The following UBTD1 variants were observed in gnomAD, a reference collection of about 807,000 sequenced individuals.
UBTD1 encodes the protein ubiquitin domain containing 1, also known as ubiquitin domain-containing protein 1.
Under a neutral mutation model 21.7 loss-of-function variants are expected in UBTD1, and 19 were observed. The ratio of observed to expected loss-of-function variants is 0.87; its 90% confidence interval spans 0.61 to 1.28. UBTD1 has a LOEUF of 1.28. Ranked by LOEUF, UBTD1 falls within the 50% of genes most tolerant of loss-of-function variation. The pLI is 0.00. For synonymous variants in UBTD1, 116 were observed against 135.1 expected, an observed-to-expected ratio of 0.86 and a Z score of 0.98; for missense variants, 282 against 315.1, an observed-to-expected ratio of 0.89 and a Z score of 0.80.
intron 1 of UBTD1, among the ~76,000 whole-genome samples, chr10:97,535,757 T>A (rs543199445): frequency 6.9e-4 from 104 of 150,456 alleles, no homozygotes; most frequent in Middle Eastern, 3.4e-3. Context: ...CTCTACAAAT[T>A]TTTTTTTTTA....
At chr10:97,525,041 G>C (rs1445414226) in intron 1 of UBTD1, among the ~76,000 whole-genome samples, 1 of 152,224 alleles carries the variant, frequency 6.6e-6, no homozygotes, top group Non-Finnish European at 1.5e-5. Flanking sequence ...AAGATGGAGA[G>C]TATTTTCACT....
intron 1 of UBTD1, among the ~76,000 whole-genome samples, chr10:97,528,502 C>T (rs1282492588): frequency 4.8e-5 from 4 of 83,078 alleles, no homozygotes; most frequent in East Asian, 9.0e-4. Context: ...ACCTCCCGGA[C>T]GGGGCGGCTG....
intron 1 of UBTD1, among the ~76,000 whole-genome samples, chr10:97,537,662 C>T (rs2040569630): frequency 6.6e-6 from 1 of 152,230 alleles, no homozygotes; most frequent in East Asian, 1.9e-4. Flanking sequence ...CACCTGGGCC[C>T]TCCCAGCCAG....
intron 1 of UBTD1, among the ~76,000 whole-genome samples, chr10:97,535,992 T>TATTATTATTATA (rs2040559348): frequency 6.7e-6 from 1 of 148,206 alleles, no homozygotes; most frequent in Admixed American, 6.8e-5. Flanking sequence ...TTATTATTAT[T>TATTATTATTATA]ATTATTATTA....
intron 1 of UBTD1, among the ~76,000 whole-genome samples, chr10:97,527,699 T>C (rs549758123): frequency 5.3e-4 from 81 of 152,102 alleles, no homozygotes; most frequent in African/African-American, 1.8e-3. Context: ...AAAGCACATC[T>C]TGCACCACCC....
Position 97,552,105 on chromosome 10 carries a change from A to C in UBTD1, c.71-15809A>C, listed in dbSNP as rs371660210. ...CTGTCTTTTTAATATATATAATTATACAGCTGAGCACTTTGGGAGGCAGAA... is the reference window on the plus strand; with the variant it reads ...CTGTCTTTTTAATATATATAATTATCCAGCTGAGCACTTTGGGAGGCAGAA... On this transcript the variant is annotated intron_variant, in intron 1 of 2. Coordinates refer to ENST00000370664, the MANE Select transcript of UBTD1 (RefSeq NM_024954.5). Among the ~76,000 whole-genome samples the C allele has an allele frequency of 2.6e-4, 39 of 152,100 alleles. 1 individual carries two copies. In the East Asian group the frequency reaches 5.6e-3, roughly 22 times the overall value.
At chr10:97,523,851 C>T (rs999854456) in intron 1 of UBTD1, among the ~76,000 whole-genome samples, 3 of 152,006 alleles carry the variant, frequency 2.0e-5, no homozygotes, top group African/African-American at 4.8e-5. Context: ...GCTGAAGACC[C>T]GACGTCCCTT....
chr10:97,527,693 C>T (rs2040496142), intron 1 of UBTD1, among the ~76,000 whole-genome samples: 1 of 151,980 alleles, frequency 6.6e-6, no homozygotes, highest in Admixed American at 6.6e-5. Flanking sequence ...TTTAACAAAG[C>T]ACATCTTGCA....
rs1453664769 is a variant in UBTD1 at position 97,528,061 on chromosome 10, C to T, written c.70+28788C>T. Among the ~76,000 whole-genome samples, 53 of 142,668 alleles carry T rather than the reference C, an allele frequency of 3.7e-4. 1 individual carries two copies. The highest frequency in any genetic ancestry group is 1.1e-3 in the African/African-American group (43 of 38,828). The allele number at this position is 142,668 out of a possible 152,430, so 93.6% of individuals were successfully genotyped here. A position where few individuals can be genotyped will look rare whatever the true frequency, so the allele number is the denominator to read the frequency against. ...GCCCCTCACCTCCCGGACGGGGCGG[C>T]TGGCTGGGCGGGGGGCTGACTCCCC... On this transcript the variant is annotated intron_variant, in intron 1 of 2. Transcript: ENST00000370664.
At chr10:97,512,217 G>T (rs1490615231) in intron 1 of UBTD1, among the ~76,000 whole-genome samples, 3 of 152,190 alleles carry the variant, frequency 2.0e-5, no homozygotes, top group Non-Finnish European at 2.9e-5. Context: ...CCAGGCAGCA[G>T]ATCCAAGAGT....
intron 1 of UBTD1, among the ~76,000 whole-genome samples, chr10:97,549,461 ACT>A (rs1293154794): frequency 2.6e-5 from 4 of 152,204 alleles, no homozygotes; most frequent in African/African-American, 9.6e-5. Flanking sequence ...CCAGGCATTA[ACT>A]CTGTCTGTAG....
At chr10:97,549,179 C>T (rs541111615) in intron 1 of UBTD1, among the ~76,000 whole-genome samples, 15 of 152,328 alleles carry the variant, frequency 9.8e-5, no homozygotes, top group South Asian at 2.1e-4. Context: ...ACAGAGGATC[C>T]GGGCCTGCCT....
chr10:97,517,382 A>G (rs962214533), intron 1 of UBTD1, among the ~76,000 whole-genome samples: 5 of 152,064 alleles, frequency 3.3e-5, no homozygotes, highest in African/African-American at 9.7e-5. Flanking sequence ...CCCTGGGTAG[A>G]GGAGGAGCTG....
chr10:97,533,587 C>A (rs1310863249), intron 1 of UBTD1, among the ~76,000 whole-genome samples: 1 of 152,110 alleles, frequency 6.6e-6, no homozygotes, highest in African/African-American at 2.4e-5. Context: ...CCCCCTTTGC[C>A]CCCCACCTCC....
chr10:97,570,460 C>G lies in UBTD1; in HGVS notation c.621C>G (p.Thr207=). 2 of 1,612,636 alleles carry G rather than the reference C, an allele frequency of 1.2e-6. No individual in the cohort carries two copies. Among genetic ancestry groups the G allele is most frequent in the African/African-American group, 1.3e-5 (1 of 75,036 alleles). ...LLTDRTRLQE[T]KIQKDFVIQV... The stretch of plus-strand genomic sequence containing the variant: ...CAGACCGCACACGGCTCCAGGAGAC[C>G]AAGATCCAGAAAGATTTTGTCATCC... Residue 207 remains threonine, a synonymous_variant, in exon 3 of 3, where the codon ACC becomes ACG. Coordinates refer to ENST00000370664, the MANE Select transcript of UBTD1 (RefSeq NM_024954.5). This position sits in a 1 kb window ranked among gnomAD's most constrained non-coding sequence, Gnocchi z 6.6.
intron 1 of UBTD1, among the ~76,000 whole-genome samples, chr10:97,500,812 A>G (rs774342090): frequency 1.3e-5 from 2 of 152,170 alleles, no homozygotes; most frequent in Non-Finnish European, 2.9e-5. Flanking sequence ...CTCTTTGTCC[A>G]TTGGGAATAC....
chr10:97,547,092 A>G (rs1333486225), intron 1 of UBTD1, among the ~76,000 whole-genome samples: 1 of 152,118 alleles, frequency 6.6e-6, no homozygotes, highest in Non-Finnish European at 1.5e-5. Flanking sequence ...GCCCCCTTGG[A>G]GTGGTGCATG....
At chr10:97,569,031 C>T (rs2040732276) in intron 2 of UBTD1, among the ~76,000 whole-genome samples, 1 of 152,222 alleles carries the variant, frequency 6.6e-6, no homozygotes, top group African/African-American at 2.4e-5. Context: ...CCATGTTGGT[C>T]AGGCTGGTCT....
chr10:97,501,592 C>CA (rs147083004), intron 1 of UBTD1, among the ~76,000 whole-genome samples: 98 of 148,618 alleles, frequency 6.6e-4, no homozygotes, highest in East Asian at 2.6e-3. Flanking sequence ...GACTCTGTCT[C>CA]AAAAAAAAAC....
Sources: allele counts gnomAD v4.1 joint callset (sites outside exome capture counted in the v4.1 genomes callset), GRCh38; gene constraint gnomAD v4.1.1; non-coding constraint Gnocchi (gnomAD v3.1); transcripts MANE v1.5; gene names NCBI Gene and HGNC (gene_info 2026-07-23, HGNC 2026-07-21).